The following SPATA6 variants were observed in gnomAD, a reference collection of about 807,000 sequenced individuals.
SPATA6 encodes spermatogenesis-associated protein 6.
SPATA6 carries 56 observed loss-of-function variants against 65.3 expected under a neutral mutation model. The observed-to-expected ratio is 0.86, with a 90% CI of 0.69 to 1.07. The LOEUF (loss-of-function observed/expected upper bound fraction) is 1.07, where lower values mean the gene tolerates loss of function less well. SPATA6 is among the 50% of genes least tolerant of loss of function. SPATA6 has a pLI of 0.00. For synonymous variants in SPATA6, 199 were observed against 213.2 expected (o/e 0.93, Z 0.58); for missense variants, 590 against 594.8 (o/e 0.99, Z 0.08).
At chr1:48,466,656 GT>G (rs78982922) in intron 1 of SPATA6, among the ~76,000 whole-genome samples, 11,504 of 148,992 alleles carry the variant, frequency 0.077, 587 homozygotes, top group East Asian at 0.2. Flanking sequence ...AAAGGATTCA[GT>G]TTTTTTTTTC....
chr1:48,316,058 C>A (rs977800731), intron 11 of SPATA6, among the ~76,000 whole-genome samples: 51 of 152,322 alleles, frequency 3.3e-4, no homozygotes, highest in African/African-American at 1.2e-3. Flanking sequence ...GAAGAACATT[C>A]CATGCTCACG....
chr1:48,384,350 C>CAGGGAG (rs769342177), intron 9 of SPATA6, among the ~76,000 whole-genome samples: 12 of 21,468 alleles, frequency 5.6e-4, no homozygotes, highest in African/African-American at 1.2e-3. Context: ...GGGACAGGGA[C>CAGGGAG]AGGGAGAGGG....
the SPATA6 span, among the ~76,000 whole-genome samples, chr1:48,283,869 A>G: frequency 6.6e-6 from 1 of 151,802 alleles, no homozygotes; most frequent in Non-Finnish European, 1.5e-5. Context: ...ACATTTTTTC[A>G]TTGATTTCAA....
chr1:48,303,971 G>A (rs1644999302), intron 12 of SPATA6, among the ~76,000 whole-genome samples: 1 of 152,164 alleles, frequency 6.6e-6, no homozygotes, highest in South Asian at 2.1e-4. Context: ...GGCATCTGTA[G>A]AGGATTGATA....
intron 11 of SPATA6, among the ~76,000 whole-genome samples, chr1:48,309,021 G>A (rs1023238693): frequency 6.6e-6 from 1 of 152,080 alleles, no homozygotes; most frequent in Non-Finnish European, 1.5e-5. Flanking sequence ...GAATATTAGG[G>A]ATTACAGGTA....
chr1:48,320,629 T>C lies in SPATA6; in HGVS notation c.1195-14751A>G, dbSNP rs186904850. Among the ~76,000 whole-genome samples, 40 of 152,298 alleles carry C rather than the reference T, an allele frequency of 2.6e-4. 1 individual carries two copies. Among genetic ancestry groups the C allele is most frequent in the African/African-American group, 9.6e-4 (40 of 41,566 alleles). On this transcript the variant is annotated intron_variant, in intron 11 of 12. Transcript: ENST00000371847. ...AGAAATGCAAAAGGAAGTTCTTCAA[T>C]ATGAAAGAAAAGGATGTTAATGAGC...
the SPATA6 span, among the ~76,000 whole-genome samples, chr1:48,282,562 C>A: frequency 6.6e-6 from 1 of 152,152 alleles, no homozygotes; most frequent in Non-Finnish European, 1.5e-5. Flanking sequence ...GACATTTATG[C>A]AGCCACAAAA....
chr1:48,350,217 T>C (rs1646478601), intron 11 of SPATA6, among the ~76,000 whole-genome samples: 1 of 151,812 alleles, frequency 6.6e-6, no homozygotes, highest in Non-Finnish European at 1.5e-5. Flanking sequence ...TTTGGTGAAG[T>C]GCCTGTTCAG....
chr1:48,324,461 C>T (rs1645695819), intron 11 of SPATA6, among the ~76,000 whole-genome samples: 1 of 151,898 alleles, frequency 6.6e-6, no homozygotes, highest in African/African-American at 2.4e-5. Context: ...ACTAGCAAAT[C>T]GAATTTGACA....
rs189385319 is a variant in SPATA6 at position 48,313,141 on chromosome 1, C to T, written c.1195-7263G>A. ...CTCCACAGGATATTTTCCAGGAGAA[C>T]TTCCCCAGTCTAGCAATGCAGGCTG... is the stretch of plus-strand genomic sequence containing the variant. On this transcript the variant is annotated intron_variant, in intron 11 of 12. Transcript: ENST00000371847. 2.6e-5 allele frequency among the ~76,000 whole-genome samples: 4 copies of T among 152,288 alleles called. No homozygotes were observed. The East Asian group carries it at 7.7e-4, about 29-fold the overall frequency.
rs548299649 is a variant in SPATA6, at chr1:48,304,731, T to A, written c.1286+1056A>T. Among the ~76,000 whole-genome samples, 788 of 152,272 alleles carry A rather than the reference T, an allele frequency of 5.2e-3. 18 individuals are homozygous for A. Among genetic ancestry groups the A allele is most frequent in the South Asian group, 0.05 (242 of 4,824 alleles). ...GGGGGTAAAAAGTGGAAATCTATATTTTTTAAAAACAACTTAGATAATTTG... is the reference window on the plus strand; with the variant it reads ...GGGGGTAAAAAGTGGAAATCTATATATTTTAAAAACAACTTAGATAATTTG... On this transcript the variant is annotated intron_variant, in intron 12 of 12. Transcript: ENST00000371847.
chr1:48,277,630 G>A, the SPATA6 span, among the ~76,000 whole-genome samples: 12 of 152,252 alleles, frequency 7.9e-5, no homozygotes, highest in Non-Finnish European at 1.6e-4. Flanking sequence ...CTGGGGGAGG[G>A]GCACCCGCCA....
Position 48,314,731 on chromosome 1 carries a change from C to CA in SPATA6, c.1195-8854dup, listed in dbSNP as rs199855944. Among the ~76,000 whole-genome samples the CA allele has an allele frequency of 5.3e-5, 8 of 152,018 alleles. No individual in the cohort carries two copies. The East Asian group carries it at 5.8e-4, about 11-fold the overall frequency. ...GGAGACAGAGACACAAAAGACCCTT[C>CA]AAAAAATCAATGAATCCAGGAGCTG... On this transcript the variant is annotated intron_variant, in intron 11 of 12. Transcript: ENST00000371847.
At chr1:48,307,783 A>G (rs1275256642) in intron 11 of SPATA6, among the ~76,000 whole-genome samples, 4 of 151,758 alleles carry the variant, frequency 2.6e-5, no homozygotes, top group Non-Finnish European at 3.0e-5. Context: ...AAGTGCATAT[A>G]TATTTGTAAT....
chr1:48,439,626 CT>C (rs1265489804), intron 3 of SPATA6, among the ~76,000 whole-genome samples: 2 of 152,202 alleles, frequency 1.3e-5, no homozygotes, highest in East Asian at 3.9e-4. Context: ...GTTGTAGGTT[CT>C]TGGGCAAGAG....
chr1:48,402,847 T>G (rs1651299046), intron 6 of SPATA6: 1 of 152,170 alleles, frequency 6.6e-6, no homozygotes, highest in Non-Finnish European at 1.5e-5. Flanking sequence ...TTAGATAACC[T>G]GTGGACAAAG....
chr1:48,413,177 T>C lies in SPATA6; in HGVS notation c.239-26A>G. ...CTAAAAGTTTAAAGAAAAATTTCCT[T>C]AAATAAACAAATTAATAACAAAAAA... On this transcript the variant is annotated intron_variant, in intron 3 of 12. Transcript: ENST00000371847. 3 of 1,359,850 alleles carry C rather than the reference T, an allele frequency of 2.2e-6. No individual in the cohort carries two copies. The South Asian group carries it at 4.9e-5, about 22-fold the overall frequency. 84.2% of individuals were successfully genotyped at this position (1,359,850 alleles called of 1,614,324 possible). A position where few individuals can be genotyped will look rare whatever the true frequency, so the allele number is the denominator to read the frequency against.
chr1:48,387,080 A>G (rs575042262), intron 8 of SPATA6, among the ~76,000 whole-genome samples: 1 of 152,322 alleles, frequency 6.6e-6, no homozygotes, highest in East Asian at 1.9e-4. Flanking sequence ...AAGGCAAGGA[A>G]GAGCAAGTCA....
intron 1 of SPATA6, among the ~76,000 whole-genome samples, chr1:48,464,902 T>A (rs531807542): frequency 3.1e-4 from 47 of 152,110 alleles, no homozygotes; most frequent in Middle Eastern, 6.8e-3. Context: ...AAACTTAATT[T>A]AAAAAATCAA....
Sources: gnomAD v4.1 joint callset for allele counts (sites outside exome capture counted in the v4.1 genomes callset) on GRCh38, gnomAD v4.1.1 for gene constraint, MANE v1.5 for transcripts, NCBI Gene and HGNC (gene_info 2026-07-23, HGNC 2026-07-21) for gene names.